KPNA1: variants seen among roughly 807,000 people sequenced by gnomAD.
The protein encoded by KPNA1 is karyopherin subunit alpha 1, also known as importin subunit alpha-5.
Under a neutral mutation model 70.5 loss-of-function variants are expected in KPNA1, and 10 were observed. The observed-to-expected ratio is 0.14, with a 90% CI of 0.09 to 0.24. The LOEUF (loss-of-function observed/expected upper bound fraction) is 0.24, where lower values mean the gene tolerates loss of function less well. Among genes scored for constraint, KPNA1 ranks in the 10% least tolerant of loss-of-function variants. The probability of loss-of-function intolerance (pLI) is 1.00; values close to 1 mark genes in which losing one functional copy is unlikely to be tolerated. For missense variants in KPNA1, 397 were observed against 637.9 expected (o/e 0.62, Z 4.07); for synonymous variants, 192 against 221.9 (o/e 0.87, Z 1.20).
chr3:122,501,603 T>G (rs545422654), intron 1 of KPNA1, among the ~76,000 whole-genome samples: 20 of 152,292 alleles, frequency 1.3e-4, no homozygotes, highest in African/African-American at 4.8e-4. Context: ...ATCTAGCTTG[T>G]TTTGTAGCCC....
At position 122,427,068 on chromosome 3, in the gene KPNA1, T is replaced by C; in HGVS notation, c.1534A>G (p.Ser512Gly). 2 of 1,614,204 alleles carry C rather than the reference T, an allele frequency of 1.2e-6. No individual in the cohort carries two copies. The highest frequency in any genetic ancestry group is 1.1e-5 in the South Asian group (1 of 91,090). ...TTAAGGTCAACCTGGGGTGCAATGCTGCTGTCTTCATCTTCGGTCCCGAAG... is the reference window on the plus strand; with the variant it reads ...TTAAGGTCAACCTGGGGTGCAATGCCGCTGTCTTCATCTTCGGTCCCGAAG... ...HYFGTEDEDSSIAPQVDLNQQ... is the reference protein window; with the variant it reads ...HYFGTEDEDSGIAPQVDLNQQ... The change falls in exon 14 of 14, where the codon AGC (serine) becomes GGC (glycine). Residue 512 changes from serine (S) to glycine (G), a missense_variant. Transcript: ENST00000344337.
chr3:122,497,557 C>T (rs2076778690), intron 1 of KPNA1, among the ~76,000 whole-genome samples: 1 of 152,200 alleles, frequency 6.6e-6, no homozygotes, highest in Non-Finnish European at 1.5e-5. Flanking sequence ...ATGAGGCTTG[C>T]AGTATCTCCA....
intron 2 of KPNA1, among the ~76,000 whole-genome samples, chr3:122,484,251 T>G (rs972948538): frequency 2.0e-5 from 3 of 152,200 alleles, no homozygotes; most frequent in African/African-American, 7.2e-5. Context: ...CTGGAATAAC[T>G]GTTTAAAAAA....
At chr3:122,487,871 C>T (rs891298988) in intron 2 of KPNA1, among the ~76,000 whole-genome samples, 2 of 152,064 alleles carry the variant, frequency 1.3e-5, no homozygotes, top group Non-Finnish European at 2.9e-5. Context: ...CTGAACTGTA[C>T]ACTTAAAAAT....
At chr3:122,459,382 T>C in intron 5 of KPNA1, 2 of 980,182 alleles carry the variant, frequency 2.0e-6, no homozygotes, top group Non-Finnish European at 2.4e-6. Flanking sequence ...TCTACTCTCA[T>C]TCCCAGAGAC....
chr3:122,430,801 C>CCTAG (rs1482951140), intron 12 of KPNA1, among the ~76,000 whole-genome samples: 20 of 152,248 alleles, frequency 1.3e-4, no homozygotes, highest in East Asian at 7.7e-4. Context: ...AAATAATGAA[C>CCTAG]CTAGACACAG....
At chr3:122,466,107 CTA>C (rs2076377335) in intron 3 of KPNA1, among the ~76,000 whole-genome samples, 1 of 152,142 alleles carries the variant, frequency 6.6e-6, no homozygotes, top group African/African-American at 2.4e-5. Context: ...ATGGCATTGG[CTA>C]TGTCTGTATG....
intron 2 of KPNA1, among the ~76,000 whole-genome samples, chr3:122,476,038 T>C (rs1263550980): frequency 1.3e-5 from 2 of 152,168 alleles, no homozygotes; most frequent in Non-Finnish European, 2.9e-5. Context: ...GGGTCAACTG[T>C]ATGTTACACA....
Position 122,433,751 on chromosome 3 carries a change from C to T in KPNA1, c.1160G>A (p.Ser387Asn), listed in dbSNP as rs1451340967. 6 of 1,612,568 alleles carry T rather than the reference C, an allele frequency of 3.7e-6. No homozygotes were observed. In the African/African-American group the frequency reaches 8.0e-5, roughly 22 times the overall value. Reference protein sequence around the residue: ...IDANIFPALISILQTAEFRTR... With the variant: ...IDANIFPALINILQTAEFRTR... ...CCGAAATTCAGCAGTTTGTAAAATA[C>T]TAATGAGGGCTGGGAAAATGTTGGC... The change falls in exon 12 of 14, where the codon AGT becomes AAT. Residue 387 changes from serine (S) to asparagine (N), a missense_variant. Transcript: ENST00000344337.
chr3:122,512,753 G>T (rs539921268), intron 1 of KPNA1, among the ~76,000 whole-genome samples: 1 of 152,270 alleles, frequency 6.6e-6, no homozygotes, highest in Admixed American at 6.5e-5. Flanking sequence ...ATACCATAAT[G>T]CAAGTATAGT....
intron 1 of KPNA1, among the ~76,000 whole-genome samples, chr3:122,499,056 T>C (rs1381330891): frequency 6.6e-6 from 1 of 152,262 alleles, no homozygotes; most frequent in Non-Finnish European, 1.5e-5. Context: ...CTGATTTTTG[T>C]ATACTGATCT....
chr3:122,444,933 A>C (rs1251219531), intron 9 of KPNA1, among the ~76,000 whole-genome samples: 1 of 152,226 alleles, frequency 6.6e-6, no homozygotes, highest in Non-Finnish European at 1.5e-5. Flanking sequence ...AGATAAAACC[A>C]CAAAGATGGG....
At chr3:122,513,642 GA>G (rs1211288976) in intron 1 of KPNA1, among the ~76,000 whole-genome samples, 20 of 129,720 alleles carry the variant, frequency 1.5e-4, no homozygotes, top group Admixed American at 1.1e-3. Flanking sequence ...CATCTCTTAA[GA>G]AAAAAAAAAA....
intron 1 of KPNA1, among the ~76,000 whole-genome samples, chr3:122,502,586 G>C (rs1189650729): frequency 6.6e-6 from 1 of 152,170 alleles, no homozygotes; most frequent in East Asian, 1.9e-4. Flanking sequence ...GCAGTATTTT[G>C]TTATGGTAGC....
At position 122,463,231 on chromosome 3, in the gene KPNA1, C is replaced by T. The variant is rs143450673; in HGVS notation, c.337+711G>A. Among the ~76,000 whole-genome samples, 1,011 of 152,060 alleles carry T rather than the reference C, an allele frequency of 6.6e-3. 5 individuals carry two copies. Among genetic ancestry groups the T allele is most frequent in the African/African-American group, 0.023 (969 of 41,456 alleles). ...GGCACGGTGGCGAGCGCCTGTAGTC[C>T]CAACTACTTGGGAGGCTGAGGCAGG... On this transcript the variant is annotated intron_variant, in intron 4 of 13. Transcript: ENST00000344337.
intron 2 of KPNA1, among the ~76,000 whole-genome samples, chr3:122,489,285 G>GTTTT: frequency 9.1e-6 from 1 of 109,502 alleles, no homozygotes. Context: ...TACTTTGTTT[G>GTTTT]TTTTTTTTTG....
chr3:122,428,451 TG>T (rs1307885262), intron 12 of KPNA1, among the ~76,000 whole-genome samples: 1 of 152,068 alleles, frequency 6.6e-6, no homozygotes, highest in Non-Finnish European at 1.5e-5. Flanking sequence ...CTTTTTTGTG[TG>T]GGGGAGGAAG....
intron 2 of KPNA1, among the ~76,000 whole-genome samples, chr3:122,471,136 A>G (rs2076437855): frequency 1.3e-5 from 2 of 152,168 alleles, no homozygotes; most frequent in South Asian, 2.1e-4. Context: ...CAGATAAAGA[A>G]ATGCAGGTTC....
rs1365436557 is a variant in KPNA1, at chr3:122,435,751, C to T, written c.1122+1419G>A. Reference sequence around the variant, plus strand: ...ATTTCATGGACATTTATCACCTCCCCAATCAATACTCTTATAATTTCCTAT... The same window carrying T: ...ATTTCATGGACATTTATCACCTCCCTAATCAATACTCTTATAATTTCCTAT... On this transcript the variant is annotated intron_variant, in intron 11 of 13. Coordinates refer to ENST00000344337, the MANE Select transcript of KPNA1 (RefSeq NM_002264.4). Among the ~76,000 whole-genome samples, 8 of 152,194 alleles carry T rather than the reference C, an allele frequency of 5.3e-5. No individual in the cohort carries two copies. In the South Asian group the frequency reaches 1.7e-3, roughly 32 times the overall value.
Sources: gnomAD v4.1 joint callset for allele counts (sites outside exome capture counted in the v4.1 genomes callset) on GRCh38, gnomAD v4.1.1 for gene constraint, MANE v1.5 for transcripts, NCBI Gene and HGNC (gene_info 2026-07-23, HGNC 2026-07-21) for gene names.